SIRPA: variants seen among roughly 807,000 people sequenced by gnomAD.
SIRPA encodes the protein tyrosine-protein phosphatase non-receptor type substrate 1.
A neutral mutation model predicts 50.3 loss-of-function variants in SIRPA; 9 were observed. The ratio of observed to expected loss-of-function variants is 0.18; its 90% confidence interval spans 0.11 to 0.31. The LOEUF (loss-of-function observed/expected upper bound fraction) is 0.31. Ranked by LOEUF, SIRPA falls within the 10% of genes least tolerant of loss-of-function variation. The pLI is 1.00. For missense variants in SIRPA, 474 were observed against 661.6 expected (o/e 0.72, Z 3.11); for synonymous variants, 265 against 284.1 (o/e 0.93, Z 0.68).
At position 1,928,178 on chromosome 20, in the gene SIRPA, C is replaced by T. The variant is rs549345243; in HGVS notation, c.1226+279C>T. Among the ~76,000 whole-genome samples, 158 of 152,310 alleles carry T rather than the reference C, an allele frequency of 1.0e-3. No homozygotes were observed. The highest frequency in any genetic ancestry group is 3.4e-3 in the Middle Eastern group (1 of 294). ...CCCATGTGGACTGGGGCAGAGACCTCCCGGGCTTTCTGTCCTCACAGACAT... is the reference window on the plus strand; with the variant it reads ...CCCATGTGGACTGGGGCAGAGACCTTCCGGGCTTTCTGTCCTCACAGACAT... On this transcript the variant is annotated intron_variant, in intron 6 of 7. Transcript: ENST00000358771. The surrounding 1 kb of genome is among the most constrained non-coding windows in gnomAD (Gnocchi z 4.9).
At chr20:1,931,111 G>C (rs1373142728) in intron 6 of SIRPA, among the ~76,000 whole-genome samples, 1 of 152,208 alleles carries the variant, frequency 6.6e-6, no homozygotes, top group East Asian at 1.9e-4. Flanking sequence ...TCATAGAACA[G>C]TGTTTTTCAA....
chr20:1,899,205 TA>T (rs750144272), intron 1 of SIRPA, among the ~76,000 whole-genome samples: 44 of 141,572 alleles, frequency 3.1e-4, no homozygotes, highest in South Asian at 4.5e-4. Flanking sequence ...AAGTTTTCTT[TA>T]AAAAAAAAAA....
rs1342339899 is a variant in SIRPA, at chr20:1,932,450, A to G, written c.1227-2265A>G. On this transcript the variant is annotated intron_variant, in intron 6 of 7. Transcript: ENST00000358771. This position sits in a 1 kb window ranked among gnomAD's most constrained non-coding sequence, Gnocchi z 6.0. ...AGTGCCAAGACCCTGAGACGGGAGC[A>G]GTCAGATGCATGCACAGAACGCAGA... is the stretch of plus-strand genomic sequence containing the variant. Among the ~76,000 whole-genome samples, 1 of 152,230 alleles carries G rather than the reference A, an allele frequency of 6.6e-6. No homozygotes were observed. The highest frequency in any genetic ancestry group is 1.5e-5 in the Non-Finnish European group (1 of 68,034).
chr20:1,894,668 T>A (rs1296444821), upstream of SIRPA: 1 of 148,818 alleles, frequency 6.7e-6, no homozygotes, highest in Non-Finnish European at 1.5e-5. This position sits in a 1 kb window ranked among gnomAD's most constrained non-coding sequence, Gnocchi z 4.0. Context: ...GGGGCCGCCT[T>A]CCCGGGACAG....
intron 5 of SIRPA, among the ~76,000 whole-genome samples, chr20:1,926,837 C>G (rs1986008165): frequency 6.6e-6 from 1 of 152,218 alleles, no homozygotes; most frequent in Non-Finnish European, 1.5e-5. Flanking sequence ...CCCCCCTTCT[C>G]CCTCATTAGG....
chr20:1,895,289 G>A, upstream of SIRPA: 1 of 453,616 alleles, frequency 2.2e-6, no homozygotes. Flanking sequence ...AAACCGCGGC[G>A]GCGGCGGCGG....
rs1177916740 is a variant in SIRPA at position 1,915,007 on chromosome 20, C to T, written c.80-92C>T. On this transcript the variant is annotated intron_variant, in intron 1 of 7. Transcript: ENST00000358771. ...GATCTCACAGCCTGCTTCTGGTGTG[C>T]ATCCAGTCAATGAACGTCATTGATA... 4 of 1,034,236 alleles carry T rather than the reference C, an allele frequency of 3.9e-6. No individual in the cohort carries two copies. In the African/African-American group the frequency reaches 4.7e-5, roughly 12 times the overall value. 64.1% of individuals were successfully genotyped at this position (1,034,236 alleles called of 1,614,324 possible). A position where few individuals can be genotyped will look rare whatever the true frequency, so the allele number is the denominator to read the frequency against.
Position 1,924,512 on chromosome 20 carries a change from T to A in SIRPA, c.1088-252T>A, listed in dbSNP as rs978459328. On this transcript the variant is annotated intron_variant, in intron 4 of 7. Coordinates refer to ENST00000358771, the MANE Select transcript of SIRPA (RefSeq NM_001040023.2). The surrounding 1 kb of genome is among the most constrained non-coding windows in gnomAD (Gnocchi z 4.5). ...TCTGCCTGTATCCTGCAGCAGGGGT[T>A]CCTCCGTAGCTGTCAGCTACAAATA... is the stretch of plus-strand genomic sequence containing the variant. Among the ~76,000 whole-genome samples, 1 of 152,178 alleles carries A rather than the reference T, an allele frequency of 6.6e-6. No homozygotes were observed. Among genetic ancestry groups the A allele is most frequent in the Non-Finnish European group, 1.5e-5 (1 of 68,028 alleles).
chr20:1,895,766 C>A (rs547472341), intron 1 of SIRPA, among the ~76,000 whole-genome samples: 3 of 152,352 alleles, frequency 2.0e-5, no homozygotes, highest in African/African-American at 7.2e-5. Context: ...GACTCTGACT[C>A]TGTGCACTGT....
chr20:1,914,984 T>C (rs111980944), intron 1 of SIRPA, 115 bp from the exon 2 acceptor site: 272,512 of 847,644 alleles, frequency 0.32, 50,887 homozygotes, highest in East Asian at 0.64. Context: ...ACTATACTGA[T>C]CTCACAGCCT....
At chr20:1,903,019 A>C (rs1223076609) in intron 1 of SIRPA, among the ~76,000 whole-genome samples, 1 of 128,462 alleles carries the variant, frequency 7.8e-6, no homozygotes, top group Non-Finnish European at 1.7e-5. Context: ...CTCAAAAAAA[A>C]AAAAAAAAAA....
intron 3 of SIRPA, 21 bp downstream of exon 3, chr20:1,921,733 C>G: frequency 6.2e-7 from 1 of 1,614,076 alleles, no homozygotes; most frequent in Non-Finnish European, 8.5e-7. Context: ...CTCACCCAGC[C>G]CAAGCCCACA....
intron 1 of SIRPA, among the ~76,000 whole-genome samples, chr20:1,912,298 C>T (rs892580875): frequency 4.6e-5 from 7 of 152,252 alleles, no homozygotes; most frequent in African/African-American, 1.7e-4. Flanking sequence ...GACTCACAGC[C>T]CCTTGTGGTG....
chr20:1,935,941 A>G (rs1409035528), intron 7 of SIRPA, among the ~76,000 whole-genome samples: 1 of 152,214 alleles, frequency 6.6e-6, no homozygotes, highest in Non-Finnish European at 1.5e-5. Flanking sequence ...GCACAGTCGT[A>G]GAGTCCAACA....
chr20:1,906,944 C>G (rs753126410), intron 1 of SIRPA, among the ~76,000 whole-genome samples: 1 of 152,128 alleles, frequency 6.6e-6, no homozygotes, highest in African/African-American at 2.4e-5. Flanking sequence ...GAGCCTCTGA[C>G]CTGGGGAGGG....
At chr20:1,931,366 G>A (rs1430601080) in intron 6 of SIRPA, among the ~76,000 whole-genome samples, 4 of 152,300 alleles carry the variant, frequency 2.6e-5, no homozygotes, top group African/African-American at 9.6e-5. Context: ...AGGAAGCACC[G>A]GAATGATGAC....
At chr20:1,895,272 T>C (rs1600380738), upstream of SIRPA, 4 of 393,248 alleles carry the variant, frequency 1.0e-5, no homozygotes, top group African/African-American at 5.6e-5. Context: ...GGAGGGGGGG[T>C]CTCCAAAAAC....
At chr20:1,919,512 G>A (rs777145821) in intron 2 of SIRPA, among the ~76,000 whole-genome samples, 8 of 152,212 alleles carry the variant, frequency 5.3e-5, no homozygotes, top group Non-Finnish European at 1.0e-4. Context: ...ACAGGCCTCG[G>A]GGGCCAAGGT....
intron 1 of SIRPA, among the ~76,000 whole-genome samples, chr20:1,911,946 GAA>G (rs71193936): frequency 3.8e-5 from 4 of 104,044 alleles, no homozygotes; most frequent in South Asian, 3.4e-4. Flanking sequence ...AGCAAGCAAG[GAA>G]AAAAAAAAAA....
Sources: allele counts gnomAD v4.1 joint callset (sites outside exome capture counted in the v4.1 genomes callset), GRCh38; gene constraint gnomAD v4.1.1; non-coding constraint Gnocchi (gnomAD v3.1); transcripts MANE v1.5; gene names NCBI Gene and HGNC (gene_info 2026-07-23, HGNC 2026-07-21).